Variants in FAM110B observed in about 807,000 individuals in gnomAD.
The protein encoded by FAM110B is family with sequence similarity 110 member B, also known as protein FAM110B.
A neutral mutation model predicts 20.4 loss-of-function variants in FAM110B; 6 were observed. The observed-to-expected ratio is 0.29, with a 90% CI of 0.16 to 0.58. The LOEUF is 0.58. FAM110B is among the 20% of genes least tolerant of loss of function. The probability of loss-of-function intolerance (pLI) is 0.90; values close to 1 mark genes in which losing one functional copy is unlikely to be tolerated. For synonymous variants in FAM110B, 226 were observed against 214.1 expected (o/e 1.06, Z -0.49); for missense variants, 434 against 498.2 (o/e 0.87, Z 1.23).
In FAM110B at chr8:58,120,979, C is replaced by G. The variant is rs2150626897; in HGVS notation, c.-324-24928C>G. Among the ~76,000 whole-genome samples, 3 of 152,296 alleles carry G rather than the reference C, an allele frequency of 2.0e-5. No homozygotes were observed. In the South Asian group the frequency reaches 6.2e-4, roughly 32 times the overall value. On this transcript the variant is annotated intron_variant, in intron 3 of 3. Transcript: ENST00000519262. ...CCTTCAGTTACACCCTTTGTTCTTT[C>G]AGTCATTTAAATATTTGAATATAAA...
chr8:58,136,905 TTAAAG>T (rs1210369407), intron 3 of FAM110B, among the ~76,000 whole-genome samples: 2 of 152,222 alleles, frequency 1.3e-5, no homozygotes, highest in East Asian at 1.9e-4. Flanking sequence ...GAGAATGACA[TTAAAG>T]TAAAGAATCC....
intron 2 of FAM110B, among the ~76,000 whole-genome samples, chr8:58,070,987 T>A (rs1391904487): frequency 6.6e-6 from 1 of 152,230 alleles, no homozygotes; most frequent in Non-Finnish European, 1.5e-5. Context: ...TATTTAGCTG[T>A]GCTTGAAAGA....
At chr8:58,012,673 C>A (rs1366207808) in intron 1 of FAM110B, among the ~76,000 whole-genome samples, 1 of 152,162 alleles carries the variant, frequency 6.6e-6, no homozygotes, top group Non-Finnish European at 1.5e-5. Context: ...CCTTTCAGTC[C>A]CTGGGCCTGT....
At chr8:58,040,092 T>G (rs999488965) in intron 2 of FAM110B, among the ~76,000 whole-genome samples, 1 of 152,124 alleles carries the variant, frequency 6.6e-6, no homozygotes, top group Non-Finnish European at 1.5e-5. Flanking sequence ...CCTCAGGCGA[T>G]CCTCCCTTCT....
At chr8:58,111,882 C>T (rs1311529275) in intron 3 of FAM110B, among the ~76,000 whole-genome samples, 1 of 152,114 alleles carries the variant, frequency 6.6e-6, no homozygotes, top group Non-Finnish European at 1.5e-5. Context: ...CCTTACTTAA[C>T]TAATATAAGT....
At chr8:58,011,125 G>A (rs1347343846) in intron 1 of FAM110B, among the ~76,000 whole-genome samples, 3 of 152,152 alleles carry the variant, frequency 2.0e-5, no homozygotes, top group Non-Finnish European at 2.9e-5. Context: ...CTTTACAATC[G>A]AGGAGGTTTG....
intron 1 of FAM110B, among the ~76,000 whole-genome samples, chr8:58,021,040 G>C (rs535508117): frequency 2.0e-4 from 31 of 152,234 alleles, no homozygotes; most frequent in African/African-American, 7.2e-4. Context: ...TTTTGTCCAG[G>C]TAAAATTTTT....
intron 3 of FAM110B, among the ~76,000 whole-genome samples, chr8:58,122,377 A>G (rs1448847941): frequency 6.6e-6 from 1 of 152,064 alleles, no homozygotes; most frequent in Non-Finnish European, 1.5e-5. Context: ...AACTTTTAAT[A>G]TTATTTATTA....
At chr8:58,140,751 A>G (rs535017399) in intron 3 of FAM110B, among the ~76,000 whole-genome samples, 10 of 152,238 alleles carry the variant, frequency 6.6e-5, no homozygotes, top group Admixed American at 6.5e-5. Context: ...TCTTGAATGT[A>G]CCATGAACTC....
chr8:58,117,684 AT>A (rs1807249880), intron 3 of FAM110B, among the ~76,000 whole-genome samples: 1 of 152,168 alleles, frequency 6.6e-6, no homozygotes, highest in Admixed American at 6.5e-5. Flanking sequence ...AAGAGTTAAT[AT>A]GTTCGTATTT....
At chr8:58,028,700 A>C (rs1804904277) in intron 1 of FAM110B, among the ~76,000 whole-genome samples, 1 of 152,146 alleles carries the variant, frequency 6.6e-6, no homozygotes, top group Non-Finnish European at 1.5e-5. Context: ...AGTATTTCTT[A>C]TTGGATGTTT....
chr8:58,019,231 G>A (rs558285064), intron 1 of FAM110B, among the ~76,000 whole-genome samples: 3 of 150,168 alleles, frequency 2.0e-5, no homozygotes, highest in African/African-American at 4.9e-5. Flanking sequence ...CCAGCTACTC[G>A]GGAGGCTGAG....
chr8:58,108,050 AG>A (rs1806964211), intron 3 of FAM110B, among the ~76,000 whole-genome samples: 1 of 152,156 alleles, frequency 6.6e-6, no homozygotes, highest in African/African-American at 2.4e-5. Context: ...TTGTTCTTCC[AG>A]GGGAAGAGGG....
intron 2 of FAM110B, among the ~76,000 whole-genome samples, chr8:58,052,072 C>T (rs1244326137): frequency 6.6e-6 from 1 of 152,218 alleles, no homozygotes; most frequent in Non-Finnish European, 1.5e-5. Flanking sequence ...TTTCCTTCCA[C>T]TGTTTGACTG....
At position 58,028,627 on chromosome 8, in the gene FAM110B, T is replaced by C. The variant is rs891374658; in HGVS notation, c.-511-2979T>C. 2.3e-4 allele frequency among the ~76,000 whole-genome samples: 35 copies of C among 152,198 alleles called. 1 individual carries two copies. The highest frequency in any genetic ancestry group is 2.3e-3 in the Admixed American group (35 of 15,286). On this transcript the variant is annotated intron_variant, in intron 1 of 3. Transcript: ENST00000519262. ...GTTTGGCACTTAGTCTTAATATCAA[T>C]AGTGAGTTTATAAAAAGAAATATAA...
intron 2 of FAM110B, among the ~76,000 whole-genome samples, chr8:58,034,993 A>C (rs2150574304): frequency 6.6e-6 from 1 of 152,304 alleles, no homozygotes; most frequent in Non-Finnish European, 1.5e-5. Context: ...CATTGTCTAA[A>C]CTTTGGTCAC....
At chr8:58,025,310 C>T (rs2150570940) in intron 1 of FAM110B, among the ~76,000 whole-genome samples, 1 of 152,264 alleles carries the variant, frequency 6.6e-6, no homozygotes, top group Non-Finnish European at 1.5e-5. Context: ...GGCCGAAAGT[C>T]TCCAGACTCA....
Position 58,052,772 on chromosome 8 carries a change from C to CTTTT in FAM110B, c.-414+21097_-414+21100dup, listed in dbSNP as rs71248165. Among the ~76,000 whole-genome samples the CTTTT allele has an allele frequency of 7.5e-4, 39 of 52,342 alleles. 4 individuals carry two copies. The highest frequency in any genetic ancestry group is 1.2e-3 in the Non-Finnish European group (35 of 29,148). 34.3% of individuals were successfully genotyped at this position (52,342 alleles called of 152,430 possible). A position where few individuals can be genotyped will look rare whatever the true frequency, so the allele number is the denominator to read the frequency against. ...TAGAGTGTGGTGAGAGTGATGGACT[C>CTTTT]TTTTTTTTTTTTTTTTTTTTTTTTT... On this transcript the variant is annotated intron_variant, in intron 2 of 3. Coordinates refer to ENST00000519262, the MANE Select transcript of FAM110B (RefSeq NM_001377989.1).
intron 3 of FAM110B, among the ~76,000 whole-genome samples, chr8:58,089,332 G>A (rs1183930057): frequency 3.3e-5 from 5 of 152,242 alleles, no homozygotes; most frequent in Admixed American, 6.5e-5. Context: ...CTTTCCCTCT[G>A]CTATAGTGCT....
Sources: gnomAD v4.1 joint callset for allele counts (sites outside exome capture counted in the v4.1 genomes callset) on GRCh38, gnomAD v4.1.1 for gene constraint, MANE v1.5 for transcripts, NCBI Gene and HGNC (gene_info 2026-07-23, HGNC 2026-07-21) for gene names.